The following PCSK5 variants were observed in gnomAD, a reference collection of about 807,000 sequenced individuals.
PCSK5 encodes proprotein convertase subtilisin/kexin type 5.
A neutral mutation model predicts 233.2 loss-of-function variants in PCSK5; 129 were observed. The observed-to-expected ratio is 0.55, with a 90% CI of 0.48 to 0.64. The LOEUF (loss-of-function observed/expected upper bound fraction) is 0.64. Among genes scored for constraint, PCSK5 ranks in the 30% least tolerant of loss-of-function variants. The pLI is 0.00. For missense variants in PCSK5, 2,076 were observed against 2,430.1 expected (o/e 0.85, Z 3.06); for synonymous variants, 825 against 879.2 (o/e 0.94, Z 1.09).
intron 1 of PCSK5, among the ~76,000 whole-genome samples, chr9:75,917,530 G>T (rs536958411): frequency 6.6e-6 from 1 of 152,304 alleles, no homozygotes; most frequent in East Asian, 1.9e-4. Flanking sequence ...TATTTGCCCC[G>T]AGGCAGCTCA....
intron 5 of PCSK5, among the ~76,000 whole-genome samples, chr9:76,027,952 A>G (rs2131498133): frequency 6.6e-6 from 1 of 152,302 alleles, no homozygotes; most frequent in Admixed American, 6.5e-5. Context: ...TTCTTTAGGG[A>G]AAAATTTCTC....
chr9:76,221,884 C>T (rs1187550035), intron 20 of PCSK5, among the ~76,000 whole-genome samples: 1 of 152,114 alleles, frequency 6.6e-6, no homozygotes, highest in African/African-American at 2.4e-5. Context: ...CAGTGCCTGC[C>T]TGAGAATGAA....
chr9:76,163,265 T>A (rs887373323), intron 12 of PCSK5, among the ~76,000 whole-genome samples: 15 of 152,244 alleles, frequency 9.9e-5, no homozygotes, highest in African/African-American at 3.6e-4. Context: ...GCTGAACACG[T>A]TGATGTAGTC....
intron 10 of PCSK5, among the ~76,000 whole-genome samples, chr9:76,135,591 G>A (rs577228572): frequency 6.6e-6 from 1 of 152,166 alleles, no homozygotes; most frequent in African/African-American, 2.4e-5. Flanking sequence ...GTAATTGTAT[G>A]GGAGACATCA....
chr9:75,929,943 A>C (rs1587376617), intron 1 of PCSK5, among the ~76,000 whole-genome samples: 1 of 151,024 alleles, frequency 6.6e-6, no homozygotes, highest in Admixed American at 6.6e-5. Context: ...GCTCACTGCA[A>C]CCTCCGCCTC....
chr9:76,049,886 C>T (rs1383488108), intron 5 of PCSK5, among the ~76,000 whole-genome samples: 1 of 151,976 alleles, frequency 6.6e-6, no homozygotes, highest in Non-Finnish European at 1.5e-5. Flanking sequence ...GTATTTTTGG[C>T]CTATTTAACA....
At chr9:76,027,294 C>T (rs1828468365) in intron 5 of PCSK5, among the ~76,000 whole-genome samples, 1 of 152,032 alleles carries the variant, frequency 6.6e-6, no homozygotes, top group Non-Finnish European at 1.5e-5. Context: ...AGAGATGACC[C>T]CTCACGTGGT....
intron 2 of PCSK5, among the ~76,000 whole-genome samples, chr9:75,975,017 T>A (rs1825957243): frequency 6.6e-6 from 1 of 152,200 alleles, no homozygotes; most frequent in Admixed American, 6.5e-5. Context: ...GATTTTAAAT[T>A]CTGACAGTGA....
chr9:75,890,005 T>C (rs1825497572), upstream of PCSK5, among the ~76,000 whole-genome samples: 1 of 152,192 alleles, frequency 6.6e-6, no homozygotes, highest in Non-Finnish European at 1.5e-5. Context: ...TGGCCCAACA[T>C]GTCCATCCAC....
rs143561963 is a variant in PCSK5 at position 76,223,735 on chromosome 9, T to C, written c.2627-3768T>C. On this transcript the variant is annotated intron_variant, in intron 20 of 37. Transcript: ENST00000674117. ...TTGTAGGATGAGGTGGAAAACAAAA[T>C]ACTGGCTCCTGAAGGCTCTGTTAAA... Among the ~76,000 whole-genome samples the C allele has an allele frequency of 2.3e-3, 350 of 152,284 alleles. 4 individuals are homozygous for C. In the East Asian group the frequency reaches 0.024, roughly 11 times the overall value.
In PCSK5 at chr9:76,354,181, C is replaced by T. The variant is rs1830237769; in HGVS notation, c.5216C>T (p.Pro1739Leu). Residue 1739 changes from proline to leucine, a missense_variant, in exon 37 of 38, where the codon CCC becomes CTC. Coordinates refer to ENST00000674117, the MANE Select transcript of PCSK5 (RefSeq NM_001372043.1). ...CLHCCNTSDPPSAQECCDCQD... is the reference protein window; with the variant it reads ...CLHCCNTSDPLSAQECCDCQD... ...CACTGCTGCAACACCTCTGATCCCC[C>T]CAGTGCCCAGGAGTGCTGTGACTGC... 2.5e-6 allele frequency: 4 copies of T among 1,589,260 alleles called. No homozygotes were observed. The highest frequency in any genetic ancestry group is 2.6e-6 in the Non-Finnish European group (3 of 1,168,638).
intron 2 of PCSK5, among the ~76,000 whole-genome samples, chr9:75,935,601 C>T (rs186430036): frequency 2.4e-3 from 361 of 152,284 alleles, no homozygotes; most frequent in African/African-American, 8.1e-3. Flanking sequence ...TGCCTCTTTT[C>T]AGGGCCAGGA....
intron 9 of PCSK5, among the ~76,000 whole-genome samples, chr9:76,118,151 C>T (rs1007338019): frequency 2.3e-4 from 35 of 151,968 alleles, no homozygotes; most frequent in Admixed American, 2.0e-4. Context: ...GAATATAAAG[C>T]AATTGTTATC....
intron 1 of PCSK5, among the ~76,000 whole-genome samples, chr9:75,914,886 C>T (rs1301974871): frequency 6.6e-6 from 1 of 152,094 alleles, no homozygotes; most frequent in Non-Finnish European, 1.5e-5. Context: ...TTTTCCCCTA[C>T]TTCTGTGAAA....
chr9:76,047,348 G>C (rs1398656687), intron 5 of PCSK5, among the ~76,000 whole-genome samples: 1 of 152,058 alleles, frequency 6.6e-6, no homozygotes, highest in Non-Finnish European at 1.5e-5. Context: ...CGCGCGCCTC[G>C]GCCTCCCAAA....
chr9:76,175,927 C>G (rs1823594333), intron 14 of PCSK5, among the ~76,000 whole-genome samples: 1 of 152,060 alleles, frequency 6.6e-6, no homozygotes, highest in African/African-American at 2.4e-5. Flanking sequence ...TGTGAACACT[C>G]TGTATGTTAT....
At chr9:76,345,679 C>T (rs1049358411) in intron 35 of PCSK5, among the ~76,000 whole-genome samples, 1 of 152,194 alleles carries the variant, frequency 6.6e-6, no homozygotes, top group African/African-American at 2.4e-5. Context: ...GCCTCAGCCT[C>T]CCAAAGTGCT....
At chr9:75,900,973 C>T (rs1463617196) in intron 1 of PCSK5, among the ~76,000 whole-genome samples, 1 of 151,780 alleles carries the variant, frequency 6.6e-6, no homozygotes, top group Non-Finnish European at 1.5e-5. Flanking sequence ...GGGCAGGGGG[C>T]ATGCAGGGTG....
chr9:75,998,155 C>A (rs1000228170), intron 3 of PCSK5, among the ~76,000 whole-genome samples: 39 of 152,116 alleles, frequency 2.6e-4, no homozygotes, highest in African/African-American at 8.9e-4. Flanking sequence ...TCATTTTTAT[C>A]TTTTAGAGAA....
Sources: allele counts gnomAD v4.1 joint callset (sites outside exome capture counted in the v4.1 genomes callset), GRCh38; gene constraint gnomAD v4.1.1; transcripts MANE v1.5; gene names NCBI Gene and HGNC (gene_info 2026-07-23, HGNC 2026-07-21).